ZNF837: variants seen among roughly 807,000 people sequenced by gnomAD.
ZNF837 encodes zinc finger protein 837.
For synonymous variants in ZNF837, 475 were observed against 365.2 expected (o/e 1.30, Z -3.43); for missense variants, 955 against 801.7 (o/e 1.19, Z -2.31).
At chr19:58,375,448 G>C (rs2052237366) in intron 1 of ZNF837, among the ~76,000 whole-genome samples, 2 of 150,440 alleles carry the variant, frequency 1.3e-5, no homozygotes, top group South Asian at 4.2e-4. Context: ...GTTTTGTTTT[G>C]TTTTGTTTTG....
In ZNF837 at chr19:58,369,159, C is replaced by A. The variant is rs563090172; in HGVS notation, c.174G>T (p.Thr58=). 1.2e-4 allele frequency: 174 copies of A among 1,451,460 alleles called. No individual in the cohort carries two copies. In the African/African-American group the frequency reaches 2.1e-3, roughly 18 times the overall value. The allele number at this position is 1,451,460 out of a possible 1,614,324, so 89.9% of individuals were successfully genotyped here. A position where few individuals can be genotyped will look rare whatever the true frequency, so the allele number is the denominator to read the frequency against. The part of the protein sequence containing the change: ...GDLRGAAGGR[T]TPPGGGSRGC... ...CCCGGGAGCCCCCGCCTGGGGGAGT[C>A]GTCCTACCGCCCGCCGCTCCACGCA... is the stretch of plus-strand genomic sequence containing the variant. Residue 58 remains threonine, a synonymous_variant, in exon 3 of 3, where the codon ACG becomes ACT. Transcript: ENST00000597582.
Position 58,368,999 on chromosome 19 carries a change from C to A in ZNF837, c.334G>T (p.Glu112Ter). The change falls in exon 3 of 3, where the codon GAG becomes TAG. Residue 112 changes from glutamate (E) to a stop codon, truncating the protein, a stop_gained. Coordinates refer to ENST00000597582, the MANE Select transcript of ZNF837 (RefSeq NM_138466.2). LOFTEE classifies it low-confidence loss of function (END_TRUNC). ...LVIPEGLQAR[E>*]GPCRSPARGG... ...CGCGCTGGGCTCCTACAGGGGCCCT[C>A]CCGGGCTTGCAGCCCCTCGGGGATA... The A allele has an allele frequency of 6.6e-7, 1 of 1,518,930 alleles. No individual in the cohort carries two copies. Among genetic ancestry groups the A allele is most frequent in the Non-Finnish European group, 8.8e-7 (1 of 1,130,280 alleles). 94.1% of individuals were successfully genotyped at this position (1,518,930 alleles called of 1,614,324 possible).
At chr19:58,374,177 C>A (rs1316298591) in intron 1 of ZNF837, among the ~76,000 whole-genome samples, 4 of 152,180 alleles carry the variant, frequency 2.6e-5, no homozygotes, top group Non-Finnish European at 5.9e-5. Flanking sequence ...CCGAGTAATT[C>A]CACCCCTAGG....
intron 1 of ZNF837, among the ~76,000 whole-genome samples, chr19:58,376,093 A>G (rs1278995100): frequency 6.6e-6 from 1 of 151,212 alleles, no homozygotes; most frequent in Non-Finnish European, 1.5e-5. Context: ...TAATTTTTGT[A>G]TTTTCAGTAG....
chr19:58,377,764 G>A (rs2052261092), intron 1 of ZNF837, among the ~76,000 whole-genome samples: 1 of 152,222 alleles, frequency 6.6e-6, no homozygotes, highest in African/African-American at 2.4e-5. Context: ...CACATGGGAA[G>A]TTGTGACGGG....
chr19:58,372,131 C>A (rs1162931184), intron 1 of ZNF837, among the ~76,000 whole-genome samples: 1 of 147,184 alleles, frequency 6.8e-6, no homozygotes, highest in Non-Finnish European at 1.5e-5. Context: ...CTCAGCTCAC[C>A]GCAACCTCCG....
In ZNF837 at chr19:58,368,335, G is replaced by T. The variant is rs1197381125; in HGVS notation, c.998C>A (p.Ala333Glu). 2 of 1,514,626 alleles carry T rather than the reference G, an allele frequency of 1.3e-6. No individual in the cohort carries two copies. Among genetic ancestry groups the T allele is most frequent in the Admixed American group, 2.1e-5 (1 of 46,876 alleles). 93.8% of individuals were successfully genotyped at this position (1,514,626 alleles called of 1,614,324 possible). A position where few individuals can be genotyped will look rare whatever the true frequency, so the allele number is the denominator to read the frequency against. Residue 333 changes from alanine (A) to glutamate (E), a missense_variant, in exon 3 of 3, where the codon GCG (alanine) becomes GAG (glutamate). By Grantham distance (107) the Ala-to-Glu change is moderately radical. Coordinates refer to ENST00000597582, the MANE Select transcript of ZNF837 (RefSeq NM_138466.2). The part of the protein sequence containing the change: ...AERHRRGPVL[A>E]RRAFRLGCPP... Reference sequence around the variant, plus strand: ...GCACCCCAGCCGGAAGGCGCGCCGCGCCAGGACGGGGCCACGCCGGTGGCG... The same window carrying T: ...GCACCCCAGCCGGAAGGCGCGCCGCTCCAGGACGGGGCCACGCCGGTGGCG...
At position 58,371,197 on chromosome 19, in the gene ZNF837, C is replaced by T. The variant is rs536370741; in HGVS notation, c.-139-1269G>A. Among the ~76,000 whole-genome samples, 326 of 149,440 alleles carry T rather than the reference C, an allele frequency of 2.2e-3. 2 individuals carry two copies. The highest frequency in any genetic ancestry group is 5.5e-3 in the Admixed American group (82 of 14,898). On this transcript the variant is annotated intron_variant, in intron 1 of 2. Coordinates refer to ENST00000597582, the MANE Select transcript of ZNF837 (RefSeq NM_138466.2). ...CGGAGCTTGCAGTGAGCCGAGATCA[C>T]GCCACTGCACTCCAGCCTGGGCGAC...
Position 58,367,786 on chromosome 19 carries a change from G to A in ZNF837, c.1547C>T (p.Ser516Phe), listed in dbSNP as rs1040180471. The change falls in exon 3 of 3, where the codon TCC becomes TTC. Residue 516 changes from serine (S) to phenylalanine (F), a missense_variant. By Grantham distance (155) the Ser-to-Phe change is radical. Transcript: ENST00000597582. ...GDCGRAFSQR[S>F]NLNEHRKRHG... ...CCGCTTCCGGTGCTCGTTGAGGTTG[G>A]AGCGTTGGCTGAAGGCGCGGCCGCA... 1.0e-5 allele frequency: 16 copies of A among 1,536,306 alleles called. No individual in the cohort carries two copies. Among genetic ancestry groups the A allele is most frequent in the Admixed American group, 5.9e-5 (3 of 50,848 alleles).
chr19:58,370,243 G>A (rs2052187550), intron 1 of ZNF837, among the ~76,000 whole-genome samples: 1 of 152,136 alleles, frequency 6.6e-6, no homozygotes, highest in Non-Finnish European at 1.5e-5. Flanking sequence ...CAGCTTCTAG[G>A]TGCCACCTAC....
chr19:58,367,747 G>GCGCGGCCCCCGTGC lies in ZNF837; in HGVS notation c.1572_1585dup (p.Ala529GlyfsTer?). On this transcript the variant is annotated frameshift_variant, in exon 3 of 3. Coordinates refer to ENST00000597582, the MANE Select transcript of ZNF837 (RefSeq NM_138466.2). LOFTEE classifies it high-confidence loss of function. ...CTCGGCTCCCTGCAGTCAAGGCGCG[G>GCGCGGCCCCCGTGC]CGCGGCCCCCGTGCCGCTTCCGGTG... The GCGCGGCCCCCGTGC allele has an allele frequency of 1.3e-6, 2 of 1,525,830 alleles. No homozygotes were observed. The highest frequency in any genetic ancestry group is 1.8e-6 in the Non-Finnish European group (2 of 1,142,364). The allele number at this position is 1,525,830 out of a possible 1,614,324, so 94.5% of individuals were successfully genotyped here. A position where few individuals can be genotyped will look rare whatever the true frequency, so the allele number is the denominator to read the frequency against.
chr19:58,368,439 G>C lies in ZNF837; in HGVS notation c.894C>G (p.Pro298=), dbSNP rs756829647. The change falls in exon 3 of 3, where the codon CCC becomes CCG. Residue 298 remains proline, a synonymous_variant. Transcript: ENST00000597582. ...CCTTGCCGCACTCGGCGCACTCGTAGGGCCGCTCGCCCGTGTGGATGCGCT... is the reference window on the plus strand; with the variant it reads ...CCTTGCCGCACTCGGCGCACTCGTACGGCCGCTCGCCCGTGTGGATGCGCT... The part of the protein sequence containing the change: ...QHQRIHTGER[P]YECAECGKAF... 1.3e-6 allele frequency: 2 copies of C among 1,562,948 alleles called. No individual in the cohort carries two copies. Among genetic ancestry groups the C allele is most frequent in the Admixed American group, 3.8e-5 (2 of 53,296 alleles).
chr19:58,369,108 G>A lies in ZNF837; in HGVS notation c.225C>T (p.Gly75=). 1 of 1,502,034 alleles carries A rather than the reference G, an allele frequency of 6.7e-7. No individual in the cohort carries two copies. Among genetic ancestry groups the A allele is most frequent in the Non-Finnish European group, 8.9e-7 (1 of 1,126,242 alleles). The allele number at this position is 1,502,034 out of a possible 1,614,324, so 93.0% of individuals were successfully genotyped here. The stretch of plus-strand genomic sequence containing the variant: ...TCCCGGCGCTGTGCCGGGTCCCCGG[G>A]CCGGGGCTCACCCCGAGGCTGCAGC... The part of the protein sequence containing the change: ...SRGCSLGVSP[G]PGTRHSAGTR... The change falls in exon 3 of 3, where the codon GGC becomes GGT. Residue 75 remains glycine, a synonymous_variant. Transcript: ENST00000597582.
rs532767745 is a variant in ZNF837, at chr19:58,375,104, T to C, written c.-139-5176A>G. 4.8e-4 allele frequency among the ~76,000 whole-genome samples: 68 copies of C among 142,878 alleles called. No homozygotes were observed. In the East Asian group the frequency reaches 0.01, roughly 21 times the overall value. 93.7% of individuals were successfully genotyped at this position (142,878 alleles called of 152,430 possible). ...TGAAACCCTGTCTATACTAAAAATATGAAAATTAGCCAGGTGTGGTGGCAG... is the reference window on the plus strand; with the variant it reads ...TGAAACCCTGTCTATACTAAAAATACGAAAATTAGCCAGGTGTGGTGGCAG... On this transcript the variant is annotated intron_variant, in intron 1 of 2. Coordinates refer to ENST00000597582, the MANE Select transcript of ZNF837 (RefSeq NM_138466.2).
chr19:58,368,631 G>C lies in ZNF837; in HGVS notation c.702C>G (p.Phe234Leu). 1 of 1,531,988 alleles carries C rather than the reference G, an allele frequency of 6.5e-7. No individual in the cohort carries two copies. The highest frequency in any genetic ancestry group is 8.7e-7 in the Non-Finnish European group (1 of 1,144,012). The allele number at this position is 1,531,988 out of a possible 1,614,324, so 94.9% of individuals were successfully genotyped here. A position where few individuals can be genotyped will look rare whatever the true frequency, so the allele number is the denominator to read the frequency against. The part of the protein sequence containing the change: ...PRPCARCGKR[F>L]RPNQQQQAGK... Reference sequence around the variant, plus strand: ...CCGCCTGCTGCTGCTGGTTGGGGCGGAAGCGCTTCCCGCACCGGGCACACG... The same window carrying C: ...CCGCCTGCTGCTGCTGGTTGGGGCGCAAGCGCTTCCCGCACCGGGCACACG... The change falls in exon 3 of 3, where the codon TTC becomes TTG. Residue 234 changes from phenylalanine to leucine, a missense_variant. Phe to Leu is a conservative substitution (Grantham distance 22, BLOSUM62 0). Transcript: ENST00000597582.
chr19:58,372,701 CT>C (rs1417507146), intron 1 of ZNF837, among the ~76,000 whole-genome samples: 1 of 152,226 alleles, frequency 6.6e-6, no homozygotes, highest in Non-Finnish European at 1.5e-5. Context: ...CCAGTTGCCC[CT>C]GGGGGGTTAT....
intron 1 of ZNF837, among the ~76,000 whole-genome samples, chr19:58,380,533 G>A (rs960092265): frequency 1.3e-5 from 2 of 152,240 alleles, no homozygotes; most frequent in Non-Finnish European, 2.9e-5. Context: ...GCATGAAACC[G>A]GTCTGCAGAC....
Position 58,369,127 on chromosome 19 carries a change from C to T in ZNF837, c.206G>A (p.Ser69Asn). Residue 69 changes from serine (S) to asparagine (N), a missense_variant, in exon 3 of 3, where the codon AGC (serine) becomes AAC (asparagine). Physicochemically the swap from Ser to Asn is conservative, Grantham distance 46. Coordinates refer to ENST00000597582, the MANE Select transcript of ZNF837 (RefSeq NM_138466.2). ...CCCCGGGCCGGGGCTCACCCCGAGG[C>T]TGCAGCCCCGGGAGCCCCCGCCTGG... ...TPPGGGSRGCSLGVSPGPGTR... is the reference protein window; with the variant it reads ...TPPGGGSRGCNLGVSPGPGTR... 2 of 1,472,598 alleles carry T rather than the reference C, an allele frequency of 1.4e-6. No individual in the cohort carries two copies. Among genetic ancestry groups the T allele is most frequent in the Non-Finnish European group, 9.0e-7 (1 of 1,113,646 alleles). 91.2% of individuals were successfully genotyped at this position (1,472,598 alleles called of 1,614,324 possible).
intron 1 of ZNF837, among the ~76,000 whole-genome samples, chr19:58,375,373 T>C (rs922663083): frequency 6.8e-6 from 1 of 147,024 alleles, no homozygotes; most frequent in African/African-American, 2.5e-5. Flanking sequence ...ATTAGAGATA[T>C]ATATATACTA....
Sources: gnomAD v4.1 joint callset for allele counts (sites outside exome capture counted in the v4.1 genomes callset) on GRCh38, gnomAD v4.1.1 for gene constraint, MANE v1.5 for transcripts, NCBI Gene and HGNC (gene_info 2026-07-23, HGNC 2026-07-21) for gene names.